Variants in LRTM2 observed in about 807,000 individuals in gnomAD.
LRTM2 encodes leucine rich repeat transmembrane protein 2, also known as leucine-rich repeat and transmembrane domain-containing protein 2.
Under a neutral mutation model 28.1 loss-of-function variants are expected in LRTM2, and 18 were observed. That is an observed-to-expected ratio of 0.64 (90% CI 0.44 to 0.95). The LOEUF is 0.95. Among genes scored for constraint, LRTM2 ranks in the 40% least tolerant of loss-of-function variants. The probability of loss-of-function intolerance (pLI) is 0.00; values close to 1 mark genes in which losing one functional copy is unlikely to be tolerated. For missense variants in LRTM2, 436 were observed against 497.2 expected (o/e 0.88, Z 1.17); for synonymous variants, 250 against 218.7 (o/e 1.14, Z -1.26).
At position 1,829,071 on chromosome 12, in the gene LRTM2, C is replaced by T. The variant is rs1189468647; in HGVS notation, c.67+856C>T. The stretch of plus-strand genomic sequence containing the variant: ...CTGGCCCCTGAGTGACTCAGATCTC[C>T]TTTCAGCCTCATTCTAGAATCACTC... On this transcript the variant is annotated intron_variant, in intron 3 of 4. Transcript: ENST00000299194. The surrounding 1 kb of genome is among the most constrained non-coding windows in gnomAD (Gnocchi z 4.2). Among the ~76,000 whole-genome samples the T allele has an allele frequency of 1.3e-5, 2 of 152,220 alleles. No homozygotes were observed. Among genetic ancestry groups the T allele is most frequent in the Non-Finnish European group, 2.9e-5 (2 of 68,046 alleles).
Position 1,833,369 on chromosome 12 carries a change from G to C in LRTM2, c.659-898G>C, listed in dbSNP as rs907869997. Among the ~76,000 whole-genome samples, 9 of 152,138 alleles carry C rather than the reference G, an allele frequency of 5.9e-5. No homozygotes were observed. The highest frequency in any genetic ancestry group is 2.2e-4 in the African/African-American group (9 of 41,410). ...CAGAATCCAACTTTCACTTCCTAGG[G>C]GAGGTCTAGACAGATTATTGTCCTC... On this transcript the variant is annotated intron_variant, in intron 4 of 4. Coordinates refer to ENST00000299194, the MANE Select transcript of LRTM2 (RefSeq NM_001039029.3). The surrounding 1 kb of genome is among the most constrained non-coding windows in gnomAD (Gnocchi z 4.2).
At chr12:1,822,681 G>A (rs1179784716) in intron 1 of LRTM2, among the ~76,000 whole-genome samples, 7 of 152,226 alleles carry the variant, frequency 4.6e-5, no homozygotes, top group East Asian at 3.9e-4. Flanking sequence ...AACCAGGAGG[G>A]TATATGGCTG....
Position 1,834,273 on chromosome 12 carries a change from G to A in LRTM2, c.665G>A (p.Arg222His), listed in dbSNP as rs148636689. Residue 222 changes from arginine to histidine, a missense_variant, in exon 5 of 5, where the codon CGC (arginine) becomes CAC (histidine). Physicochemically the swap from Arg to His is conservative, Grantham distance 29. Coordinates refer to ENST00000299194, the MANE Select transcript of LRTM2 (RefSeq NM_001039029.3). This position sits in a 1 kb window ranked among gnomAD's most constrained non-coding sequence, Gnocchi z 7.6. Reference protein sequence around the residue: ...WMEWFSYRGGRLDQLACTLPK... With the variant: ...WMEWFSYRGGHLDQLACTLPK... ...TTTTCTCTTCTGCATGTAGGGGGAC[G>A]CTTGGACCAGCTTGCCTGCACCCTG... 1.2e-5 allele frequency: 19 copies of A among 1,570,016 alleles called. No individual in the cohort carries two copies. Among genetic ancestry groups the A allele is most frequent in the Admixed American group, 7.1e-5 (4 of 56,190 alleles).
Position 1,828,296 on chromosome 12 carries a change from C to A in LRTM2, c.67+81C>A. On this transcript the variant is annotated intron_variant, in intron 3 of 4. Coordinates refer to ENST00000299194, the MANE Select transcript of LRTM2 (RefSeq NM_001039029.3). The surrounding 1 kb of genome is among the most constrained non-coding windows in gnomAD (Gnocchi z 4.2). Reference sequence around the variant, plus strand: ...GACTGTAGGTAGCGCCATATGGGACCTTAGCCACACTCAGGCTGCAGGGAG... The same window carrying A: ...GACTGTAGGTAGCGCCATATGGGACATTAGCCACACTCAGGCTGCAGGGAG... 8.2e-7 allele frequency: 1 copy of A among 1,220,482 alleles called. No homozygotes were observed. The highest frequency in any genetic ancestry group is 1.1e-6 in the Non-Finnish European group (1 of 887,368). The allele number at this position is 1,220,482 out of a possible 1,614,324, so 75.6% of individuals were successfully genotyped here.
In LRTM2 at chr12:1,828,046, G is replaced by A. The variant is rs995750545; in HGVS notation, c.-73-30G>A. Reference sequence around the variant, plus strand: ...GGGCTGGAACGGGGCTCCCGCGCCTGCCTGTGCTCAGTGCTCCTCCCTCCC... The same window carrying A: ...GGGCTGGAACGGGGCTCCCGCGCCTACCTGTGCTCAGTGCTCCTCCCTCCC... On this transcript the variant is annotated intron_variant, in intron 2 of 4. Coordinates refer to ENST00000299194, the MANE Select transcript of LRTM2 (RefSeq NM_001039029.3). This position sits in a 1 kb window ranked among gnomAD's most constrained non-coding sequence, Gnocchi z 4.2. The A allele has an allele frequency of 5.2e-6, 6 of 1,151,208 alleles. No homozygotes were observed. In the East Asian group the frequency reaches 8.8e-5, roughly 17 times the overall value. The allele number at this position is 1,151,208 out of a possible 1,614,324, so 71.3% of individuals were successfully genotyped here. A position where few individuals can be genotyped will look rare whatever the true frequency, so the allele number is the denominator to read the frequency against.
chr12:1,828,018 C>T lies in LRTM2; in HGVS notation c.-73-58C>T. The T allele has an allele frequency of 1.4e-6, 1 of 733,776 alleles. No individual in the cohort carries two copies. Among genetic ancestry groups the T allele is most frequent in the Non-Finnish European group, 2.1e-6 (1 of 484,012 alleles). The allele number at this position is 733,776 out of a possible 1,614,324, so 45.5% of individuals were successfully genotyped here. A position where few individuals can be genotyped will look rare whatever the true frequency, so the allele number is the denominator to read the frequency against. On this transcript the variant is annotated intron_variant, in intron 2 of 4. Transcript: ENST00000299194. The surrounding 1 kb of genome is among the most constrained non-coding windows in gnomAD (Gnocchi z 4.2). ...AGACACCCGGGCCCTCTCCCTAACC[C>T]CTGGGCTGGAACGGGGCTCCCGCGC...
At chr12:1,827,150 C>G (rs1039415983) in intron 1 of LRTM2, among the ~76,000 whole-genome samples, 1 of 152,174 alleles carries the variant, frequency 6.6e-6, no homozygotes, top group Non-Finnish European at 1.5e-5. Flanking sequence ...CCGCCCTTGC[C>G]AGCTGCAGCA....
chr12:1,825,409 G>A (rs2154446657), intron 1 of LRTM2, among the ~76,000 whole-genome samples: 1 of 152,348 alleles, frequency 6.6e-6, no homozygotes, highest in Admixed American at 6.5e-5. Context: ...CTCAACATGG[G>A]CCCTGGGCAG....
rs776249407 is a variant in LRTM2 at position 1,834,513 on chromosome 12, C to T, written c.905C>T (p.Ala302Val). The change falls in exon 5 of 5, where the codon GCG becomes GTG. Residue 302 changes from alanine (A) to valine (V), a missense_variant. By Grantham distance (64) the Ala-to-Val change is moderately conservative (BLOSUM62 0). Transcript: ENST00000299194. The surrounding 1 kb of genome is among the most constrained non-coding windows in gnomAD (Gnocchi z 7.6). ...ACPQKQRHRP[A>V]SVRRAMGTVI... ...CCACAGAAGCAGAGGCACCGGCCGG[C>T]GAGCGTGAGGCGAGCCATGGGCACG... 2.4e-5 allele frequency: 39 copies of T among 1,606,254 alleles called. No individual in the cohort carries two copies. Among genetic ancestry groups the T allele is most frequent in the Non-Finnish European group, 2.9e-5 (34 of 1,179,854 alleles).
chr12:1,823,369 T>C (rs1864186833), intron 1 of LRTM2: 1 of 152,174 alleles, frequency 6.6e-6, no homozygotes, highest in Non-Finnish European at 1.5e-5. Context: ...CATGGAGCGG[T>C]CCAGGCTCCT....
rs904992811 is a variant in LRTM2 at position 1,828,633 on chromosome 12, C to T, written c.67+418C>T. Among the ~76,000 whole-genome samples, 2 of 152,230 alleles carry T rather than the reference C, an allele frequency of 1.3e-5. No homozygotes were observed. Among genetic ancestry groups the T allele is most frequent in the African/African-American group, 4.8e-5 (2 of 41,466 alleles). ...TTTTGCTCCCGTGGGGAACTGCCCC[C>T]TTGGCTGGCCTCGGCCAGGAGCTGG... On this transcript the variant is annotated intron_variant, in intron 3 of 4. Transcript: ENST00000299194. The surrounding 1 kb of genome is among the most constrained non-coding windows in gnomAD (Gnocchi z 4.2).
rs1864499009 is a variant in LRTM2 at position 1,829,054 on chromosome 12, T to C, written c.67+839T>C. On this transcript the variant is annotated intron_variant, in intron 3 of 4. Transcript: ENST00000299194. The surrounding 1 kb of genome is among the most constrained non-coding windows in gnomAD (Gnocchi z 4.2). Reference sequence around the variant, plus strand: ...TCACCATGTGAGAGAGGCTGGCCCCTGAGTGACTCAGATCTCCTTTCAGCC... The same window carrying C: ...TCACCATGTGAGAGAGGCTGGCCCCCGAGTGACTCAGATCTCCTTTCAGCC... Among the ~76,000 whole-genome samples, 2 of 152,240 alleles carry C rather than the reference T, an allele frequency of 1.3e-5. No homozygotes were observed. The highest frequency in any genetic ancestry group is 2.9e-5 in the Non-Finnish European group (2 of 68,038).
Position 1,834,904 on chromosome 12 carries a change from C to A in LRTM2, c.*183C>A. The A allele has an allele frequency of 1.7e-6, 2 of 1,163,812 alleles. No homozygotes were observed. The highest frequency in any genetic ancestry group is 2.3e-6 in the Non-Finnish European group (2 of 856,946). The allele number at this position is 1,163,812 out of a possible 1,614,324, so 72.1% of individuals were successfully genotyped here. The stretch of plus-strand genomic sequence containing the variant: ...ACTTTCGAGGCTCCCTGAAAGCCAC[C>A]GTGCTGGGGGCTCCTGCTGATGCTC... On this transcript the variant is annotated 3_prime_UTR_variant, in exon 5 of 5. Transcript: ENST00000299194. This position sits in a 1 kb window ranked among gnomAD's most constrained non-coding sequence, Gnocchi z 7.6.
In LRTM2 at chr12:1,830,979, A is replaced by C. The variant is rs1298272121; in HGVS notation, c.112A>C (p.Thr38Pro). The change falls in exon 4 of 5, where the codon ACC (threonine) becomes CCC (proline). Residue 38 changes from threonine to proline, a missense_variant. By Grantham distance (38) the Thr-to-Pro change is conservative. Coordinates refer to ENST00000299194, the MANE Select transcript of LRTM2 (RefSeq NM_001039029.3). ...CCTGTATGCTGTGGAGGCCCTCCCC[A>C]CCTGCCCTTTCTCCTGCAAGTGTGA... ...IALYAVEALPTCPFSCKCDSR... is the reference protein window; with the variant it reads ...IALYAVEALPPCPFSCKCDSR... 2.5e-6 allele frequency: 4 copies of C among 1,613,270 alleles called. No individual in the cohort carries two copies. The highest frequency in any genetic ancestry group is 3.4e-6 in the Non-Finnish European group (4 of 1,179,672).
At chr12:1,824,229 G>A (rs1295814843) in intron 1 of LRTM2, among the ~76,000 whole-genome samples, 5 of 152,182 alleles carry the variant, frequency 3.3e-5, no homozygotes, top group African/African-American at 9.7e-5. Context: ...CGGCCTAGTC[G>A]TATCAAACTC....
Position 1,827,393 on chromosome 12 carries a change from C to G in LRTM2, c.-258-17C>G, listed in dbSNP as rs1864386264. The G allele has an allele frequency of 6.5e-6, 1 of 152,914 alleles. No individual in the cohort carries two copies. The highest frequency in any genetic ancestry group is 6.5e-5 in the Admixed American group (1 of 15,294). 9.5% of individuals were successfully genotyped at this position (152,914 alleles called of 1,614,324 possible). A position where few individuals can be genotyped will look rare whatever the true frequency, so the allele number is the denominator to read the frequency against. ...TGCGTTCTCACCTCTCCTTGTGTCC[C>G]TGTCTCTTCCTAGCAGCTGCCGCAG... is the stretch of plus-strand genomic sequence containing the variant. On this transcript the variant is annotated splice_polypyrimidine_tract_variant and intron_variant, in intron 1 of 4. Coordinates refer to ENST00000299194, the MANE Select transcript of LRTM2 (RefSeq NM_001039029.3).
At chr12:1,823,896 G>C (rs189831918) in intron 1 of LRTM2, among the ~76,000 whole-genome samples, 1 of 152,190 alleles carries the variant, frequency 6.6e-6, no homozygotes, top group Non-Finnish European at 1.5e-5. Context: ...TGCCTTTCCT[G>C]TACAAGTAAC....
rs528444797 is a variant in LRTM2, at chr12:1,829,825, C to T, written c.68-1110C>T. Among the ~76,000 whole-genome samples the T allele has an allele frequency of 4.6e-5, 7 of 152,014 alleles. No homozygotes were observed. The highest frequency in any genetic ancestry group is 3.9e-4 in the East Asian group (2 of 5,122). On this transcript the variant is annotated intron_variant, in intron 3 of 4. Coordinates refer to ENST00000299194, the MANE Select transcript of LRTM2 (RefSeq NM_001039029.3). The surrounding 1 kb of genome is among the most constrained non-coding windows in gnomAD (Gnocchi z 4.2). ...TCTCTAGGCTGGGTGGAACTGACCT[C>T]GGCTGGGCTGACCTGGTGGGGCTGA...
At chr12:1,824,979 G>A (rs1361502718) in intron 1 of LRTM2, among the ~76,000 whole-genome samples, 1 of 152,258 alleles carries the variant, frequency 6.6e-6, no homozygotes, top group African/African-American at 2.4e-5. Flanking sequence ...TAGCTGCTAA[G>A]AGAGCACAGG....
Sources: allele counts gnomAD v4.1 joint callset (sites outside exome capture counted in the v4.1 genomes callset), GRCh38; gene constraint gnomAD v4.1.1; non-coding constraint Gnocchi (gnomAD v3.1); transcripts MANE v1.5; gene names NCBI Gene and HGNC (gene_info 2026-07-23, HGNC 2026-07-21).